Variants in DCDC1 observed in about 807,000 individuals in gnomAD.
DCDC1 encodes the protein doublecortin domain-containing protein 1.
In DCDC1, 200 loss-of-function variants were observed where a neutral mutation model predicts 178.3. The ratio of observed to expected loss-of-function variants is 1.12; its 90% CI spans 1.00 to 1.26. The LOEUF (loss-of-function observed/expected upper bound fraction) is 1.26, where lower values mean the gene tolerates loss of function less well. Among genes scored for constraint, DCDC1 ranks in the 50% most tolerant of loss-of-function variants. The probability of loss-of-function intolerance (pLI) is 0.00; values close to 1 mark genes in which losing one functional copy is unlikely to be tolerated. For synonymous variants in DCDC1, 690 were observed against 604.8 expected, an observed-to-expected ratio of 1.14 and a Z score of -2.07; for missense variants, 1,983 against 1,749.2, an observed-to-expected ratio of 1.13 and a Z score of -2.38.
intron 36 of DCDC1, among the ~76,000 whole-genome samples, chr11:30,886,288 G>T (rs1943162429): frequency 6.6e-6 from 1 of 151,936 alleles, no homozygotes; most frequent in Non-Finnish European, 1.5e-5. Flanking sequence ...ATGTTATTAA[G>T]ATAATAAAAA....
At chr11:31,169,621 G>C (rs539529350) in intron 9 of DCDC1, among the ~76,000 whole-genome samples, 1 of 152,080 alleles carries the variant, frequency 6.6e-6, no homozygotes, top group Non-Finnish European at 1.5e-5. Context: ...GGGCAGTTGA[G>C]TTGTTCATTC....
intron 22 of DCDC1, among the ~76,000 whole-genome samples, chr11:30,929,150 A>ACGAATATATAAG (rs1946771363): frequency 6.6e-6 from 1 of 152,114 alleles, no homozygotes. Context: ...CACTAATTTA[A>ACGAATATATAAG]GGCCTATGTA....
At chr11:31,221,484 G>A (rs1974256674) in intron 9 of DCDC1, among the ~76,000 whole-genome samples, 1 of 152,166 alleles carries the variant, frequency 6.6e-6, no homozygotes, top group African/African-American at 2.4e-5. Context: ...CAGGCCCACT[G>A]GGGTGGTAGT....
intron 7 of DCDC1, among the ~76,000 whole-genome samples, chr11:31,271,469 C>T (rs1945545796): frequency 6.6e-6 from 1 of 152,180 alleles, no homozygotes. Flanking sequence ...AGCTACTCCT[C>T]AACTTTACAG....
chr11:31,106,891 T>A lies in DCDC1; in HGVS notation c.1657A>T (p.Met553Leu). Residue 553 changes from methionine (M) to leucine (L), a missense_variant, in exon 13 of 39, where the codon ATG becomes TTG. Physicochemically the swap from Met to Leu is conservative, Grantham distance 15 (BLOSUM62 2). Coordinates refer to ENST00000684477, the MANE Select transcript of DCDC1 (RefSeq NM_001387274.1). ...INPPGLNYSS[M>L]RLFDENGQEI... ...TGGCCATTCTCATCAAAAAGCCGCA[T>A]TGAAGAATAATTGAGGCCTGGTGGG... 1 of 766,146 alleles carries A rather than the reference T, an allele frequency of 1.3e-6. No individual in the cohort carries two copies. Among genetic ancestry groups the A allele is most frequent in the East Asian group, 2.4e-5 (1 of 41,190 alleles). 47.5% of individuals were successfully genotyped at this position (766,146 alleles called of 1,614,324 possible). A position where few individuals can be genotyped will look rare whatever the true frequency, so the allele number is the denominator to read the frequency against.
chr11:31,087,913 G>T (rs1957576513), intron 17 of DCDC1, among the ~76,000 whole-genome samples: 1 of 151,970 alleles, frequency 6.6e-6, no homozygotes, highest in African/African-American at 2.4e-5. Flanking sequence ...ATGAAACAGG[G>T]TATTATTGTT....
At chr11:31,226,008 T>C (rs534146749) in intron 9 of DCDC1, among the ~76,000 whole-genome samples, 2 of 152,098 alleles carry the variant, frequency 1.3e-5, no homozygotes, top group Admixed American at 6.5e-5. Flanking sequence ...TGAAGAGAAA[T>C]AAATATGAAC....
intron 6 of DCDC1, among the ~76,000 whole-genome samples, chr11:31,292,440 A>T (rs995628016): frequency 6.6e-6 from 1 of 152,222 alleles, no homozygotes; most frequent in African/African-American, 2.4e-5. Context: ...GCCATAAAAA[A>T]GAATGAAGTA....
At position 30,927,371 on chromosome 11, in the gene DCDC1, TA is replaced by T. The variant is rs112053436; in HGVS notation, c.2898-1964del. Among the ~76,000 whole-genome samples the T allele has an allele frequency of 6.2e-3, 919 of 147,246 alleles. 13 individuals are homozygous for T. Among genetic ancestry groups the T allele is most frequent in the African/African-American group, 0.022 (875 of 39,920 alleles). On this transcript the variant is annotated intron_variant, in intron 22 of 38. Transcript: ENST00000684477. ...CTTGAGAGCAAGCAATGCCTTGTTCTAAAAAAAAGAAAAAAAGAAAGAAAGA... is the reference window on the plus strand; with the variant it reads ...CTTGAGAGCAAGCAATGCCTTGTTCTAAAAAAAGAAAAAAAGAAAGAAAGA...
chr11:31,281,121 T>C (rs757399977), intron 7 of DCDC1: 21 of 363,548 alleles, frequency 5.8e-5, no homozygotes, highest in African/African-American at 1.0e-4. Context: ...ACTTGCTGAA[T>C]GTATTCCTTA....
At chr11:31,135,185 T>C (rs566207070) in intron 10 of DCDC1, among the ~76,000 whole-genome samples, 44 of 152,344 alleles carry the variant, frequency 2.9e-4, no homozygotes, top group African/African-American at 1.0e-3. Flanking sequence ...TGATGTTTAA[T>C]TTGGGTTTTG....
chr11:31,294,348 G>A (rs1044191105), intron 6 of DCDC1, among the ~76,000 whole-genome samples: 1 of 151,680 alleles, frequency 6.6e-6, no homozygotes, highest in African/African-American at 2.4e-5. Flanking sequence ...TCGGGTGGCC[G>A]AGGCAGTTGG....
chr11:30,945,081 G>A (rs1947926244), intron 21 of DCDC1, among the ~76,000 whole-genome samples: 1 of 138,416 alleles, frequency 7.2e-6, no homozygotes, highest in African/African-American at 2.7e-5. Context: ...CAATTCTCCT[G>A]CCTCAGCCTC....
intron 21 of DCDC1, among the ~76,000 whole-genome samples, chr11:30,933,428 G>A (rs987032242): frequency 6.6e-6 from 1 of 151,874 alleles, no homozygotes; most frequent in Non-Finnish European, 1.5e-5. Flanking sequence ...TTGCCTATAT[G>A]ACTAAACTCT....
chr11:30,915,577 TC>T lies in DCDC1; in HGVS notation c.3586del (p.Glu1196ArgfsTer28). On this transcript the variant is annotated frameshift_variant, in exon 27 of 39. Coordinates refer to ENST00000684477, the MANE Select transcript of DCDC1 (RefSeq NM_001387274.1). LOFTEE classifies it high-confidence loss of function. ...VQGPNLRSGM[E>X]VVLVEKKSDG... ...AGATTTCTTCTCCACCAAAACCACC[TC>T]CATGCCTGATCGGAGATTGGGACCT... The T allele has an allele frequency of 6.2e-7, 1 of 1,613,892 alleles. No homozygotes were observed.
intron 20 of DCDC1, among the ~76,000 whole-genome samples, chr11:31,034,395 C>T (rs78986775): frequency 0.29 from 44,742 of 151,924 alleles, 7,562 homozygotes; most frequent in Non-Finnish European, 0.37. Context: ...ATAAAGTTTA[C>T]AGTAATGTAC....
intron 1 of DCDC1, among the ~76,000 whole-genome samples, chr11:31,339,937 C>T (rs1950458065): frequency 6.6e-6 from 1 of 152,032 alleles, no homozygotes. Flanking sequence ...TCCTATGTCT[C>T]TGTGGTTGCA....
At chr11:30,908,252 T>C (rs1366286180) in intron 29 of DCDC1, among the ~76,000 whole-genome samples, 2 of 152,058 alleles carry the variant, frequency 1.3e-5, no homozygotes, top group African/African-American at 2.4e-5. Context: ...TAATTACAAC[T>C]ATAGGACTCA....
chr11:31,099,480 C>T (rs907063785), intron 15 of DCDC1, among the ~76,000 whole-genome samples: 8 of 152,200 alleles, frequency 5.3e-5, no homozygotes, highest in Admixed American at 2.0e-4. Context: ...GCCTACCATT[C>T]TCCCCCATCT....
Sources: allele counts gnomAD v4.1 joint callset (sites outside exome capture counted in the v4.1 genomes callset), GRCh38; gene constraint gnomAD v4.1.1; transcripts MANE v1.5; gene names NCBI Gene and HGNC (gene_info 2026-07-23, HGNC 2026-07-21).